ARFGAP1: variants seen among roughly 807,000 people sequenced by gnomAD.
ARFGAP1 encodes the protein ADP-ribosylation factor GTPase-activating protein 1.
In ARFGAP1, 26 loss-of-function variants were observed where a neutral mutation model predicts 54.0. The ratio of observed to expected loss-of-function variants is 0.48; its 90% CI spans 0.35 to 0.67. The LOEUF (loss-of-function observed/expected upper bound fraction) is 0.67. Among genes scored for constraint, ARFGAP1 ranks in the 30% least tolerant of loss-of-function variants. The pLI is 0.00. For missense variants in ARFGAP1, 525 were observed against 535.8 expected (o/e 0.98, Z 0.20); for synonymous variants, 248 against 211.9 (o/e 1.17, Z -1.48).
At chr20:63,286,000 C>T (rs1568743821) in intron 11 of ARFGAP1, 1 of 1,532,114 alleles carries the variant, frequency 6.5e-7, no homozygotes, top group Non-Finnish European at 8.8e-7. Context: ...GTCTTTGCTG[C>T]CATCAGTCCC....
Position 63,277,268 on chromosome 20 carries a change from C to G in ARFGAP1, c.406C>G (p.Pro136Ala). 9 of 1,613,110 alleles carry G rather than the reference C, an allele frequency of 5.6e-6. No individual in the cohort carries two copies. The highest frequency in any genetic ancestry group is 7.6e-6 in the Non-Finnish European group (9 of 1,179,930). The change falls in exon 5 of 13, where the codon CCA (proline) becomes GCA (alanine). Residue 136 changes from proline (P) to alanine (A), a missense_variant. Physicochemically the swap from Pro to Ala is conservative, Grantham distance 27. Transcript: ENST00000370283. ...GTCATCACCTGCCCAGAACTGGACC[C>G]CACCTCAGCCCAGGACGCTGCCGTC... Reference protein sequence around the residue: ...LESSPAQNWTPPQPRTLPSMV... With the variant: ...LESSPAQNWTAPQPRTLPSMV...
intron 6 of ARFGAP1, 62 bp downstream of exon 6, chr20:63,278,265 G>T (rs774106602): frequency 1.2e-5 from 19 of 1,566,272 alleles, no homozygotes; most frequent in Admixed American, 1.7e-5. Context: ...CAGTCTGGTG[G>T]GTAGGGCTGC....
intron 9 of ARFGAP1, chr20:63,283,926 G>A (rs2067453990): frequency 6.2e-7 from 1 of 1,610,302 alleles, no homozygotes; most frequent in South Asian, 1.1e-5. Flanking sequence ...TCTCCGCCGA[G>A]AATGTGCTTG....
intron 5 of ARFGAP1, among the ~76,000 whole-genome samples, chr20:63,277,794 G>T (rs567810655): frequency 6.6e-6 from 1 of 152,250 alleles, no homozygotes; most frequent in Non-Finnish European, 1.5e-5. Context: ...TCTGACGGAA[G>T]GCTTTGCACT....
chr20:63,281,039 A>G (rs940115229), intron 7 of ARFGAP1, among the ~76,000 whole-genome samples: 15 of 152,078 alleles, frequency 9.9e-5, no homozygotes, highest in Non-Finnish European at 1.8e-4. Context: ...GGTGGGAGCC[A>G]CGGGAGGCTG....
At position 63,284,936 on chromosome 20, in the gene ARFGAP1, C is replaced by A. The variant is rs372448777; in HGVS notation, c.774+14C>A. 15 of 1,613,064 alleles carry A rather than the reference C, an allele frequency of 9.3e-6. No individual in the cohort carries two copies. The highest frequency in any genetic ancestry group is 1.3e-5 in the Non-Finnish European group (15 of 1,179,792). On this transcript the variant is annotated intron_variant, in intron 10 of 12. Coordinates refer to ENST00000370283, the MANE Select transcript of ARFGAP1 (RefSeq NM_018209.4). ...GCGCAGGAGAAGGTAACGGGCAGCT[C>A]CGGGTGGTTGTGCCTGGAGCCCTTC...
At chr20:63,274,872 C>T (rs1481356041) in intron 1 of ARFGAP1, among the ~76,000 whole-genome samples, 1 of 152,224 alleles carries the variant, frequency 6.6e-6, no homozygotes, top group Non-Finnish European at 1.5e-5. Flanking sequence ...CATAGGTTTT[C>T]TCTTCACCCT....
At chr20:63,287,334 C>T (rs1284286429) in intron 12 of ARFGAP1, among the ~76,000 whole-genome samples, 1 of 152,238 alleles carries the variant, frequency 6.6e-6, no homozygotes, top group Non-Finnish European at 1.5e-5. Flanking sequence ...TAAAACTGTC[C>T]TCCAGTTGGG....
At chr20:63,274,767 T>G (rs1270869036) in intron 1 of ARFGAP1, among the ~76,000 whole-genome samples, 1 of 152,182 alleles carries the variant, frequency 6.6e-6, no homozygotes, top group East Asian at 1.9e-4. Flanking sequence ...CCTCCGGCTT[T>G]GAATCTTAAC....
At position 63,288,591 on chromosome 20, in the gene ARFGAP1, A is replaced by C. The variant is rs1405641833; in HGVS notation, c.*718A>C. The C allele has an allele frequency of 1.1e-4, 50 of 444,568 alleles. No individual in the cohort carries two copies. The highest frequency in any genetic ancestry group is 1.4e-5 in the Non-Finnish European group (3 of 218,490). The allele number at this position is 444,568 out of a possible 1,614,324, so 27.5% of individuals were successfully genotyped here. A position where few individuals can be genotyped will look rare whatever the true frequency, so the allele number is the denominator to read the frequency against. On this transcript the variant is annotated 3_prime_UTR_variant, in exon 13 of 13. Coordinates refer to ENST00000370283, the MANE Select transcript of ARFGAP1 (RefSeq NM_018209.4). Reference sequence around the variant, plus strand: ...ACTTGACCATCCTGGAACACCCTGGAAGAAAAAGGAGCGCAGGGTGGGCCC... The same window carrying C: ...ACTTGACCATCCTGGAACACCCTGGCAGAAAAAGGAGCGCAGGGTGGGCCC...
rs1354310118 is a variant in ARFGAP1, at chr20:63,288,199, G to A, written c.*326G>A. The A allele has an allele frequency of 1.9e-5, 11 of 566,588 alleles. No homozygotes were observed. Among genetic ancestry groups the A allele is most frequent in the South Asian group, 5.1e-5 (3 of 58,520 alleles). The allele number at this position is 566,588 out of a possible 1,614,324, so 35.1% of individuals were successfully genotyped here. ...CAGAGGCCTGTGACTGCGTTCCAGCGGCCAGTTCACTACGCAGTATCTCTG... is the reference window on the plus strand; with the variant it reads ...CAGAGGCCTGTGACTGCGTTCCAGCAGCCAGTTCACTACGCAGTATCTCTG... On this transcript the variant is annotated 3_prime_UTR_variant, in exon 13 of 13. Coordinates refer to ENST00000370283, the MANE Select transcript of ARFGAP1 (RefSeq NM_018209.4).
At chr20:63,275,848 G>A (rs1289128930) in intron 2 of ARFGAP1, among the ~76,000 whole-genome samples, 1 of 152,246 alleles carries the variant, frequency 6.6e-6, no homozygotes, top group Admixed American at 6.5e-5. Context: ...AGTGCTGGCT[G>A]TCGGGGGTGG....
chr20:63,284,803 C>A, intron 9 of ARFGAP1, 63 bp from the exon 10 acceptor site: 1 of 1,600,156 alleles, frequency 6.2e-7, no homozygotes, highest in South Asian at 1.1e-5. Flanking sequence ...CCTGTGCTGC[C>A]ACTGCCGACC....
chr20:63,287,914 C>T lies in ARFGAP1; in HGVS notation c.*41C>T, dbSNP rs957990129. On this transcript the variant is annotated 3_prime_UTR_variant, in exon 13 of 13. Transcript: ENST00000370283. ...CGTCCCCAGCGCCCCCGGGCGACTT[C>T]GTGTTTGCACTCTGCCCTCGTCGTT... 17 of 1,462,214 alleles carry T rather than the reference C, an allele frequency of 1.2e-5. No homozygotes were observed. Among genetic ancestry groups the T allele is most frequent in the Admixed American group, 7.3e-5 (3 of 40,820 alleles). 90.6% of individuals were successfully genotyped at this position (1,462,214 alleles called of 1,614,324 possible).
Position 63,276,668 on chromosome 20 carries a change from T to A in ARFGAP1, c.342+17T>A. 1.9e-6 allele frequency: 3 copies of A among 1,590,224 alleles called. No homozygotes were observed. The highest frequency in any genetic ancestry group is 2.6e-6 in the Non-Finnish European group (3 of 1,166,444). Reference sequence around the variant, plus strand: ...AGGGATAAGGTAGAGATGGGCCCGATTCACTCTTGCCCATGGTGTGGGGCT... The same window carrying A: ...AGGGATAAGGTAGAGATGGGCCCGAATCACTCTTGCCCATGGTGTGGGGCT... On this transcript the variant is annotated intron_variant, in intron 4 of 12. Transcript: ENST00000370283. This position sits in a 1 kb window ranked among gnomAD's most constrained non-coding sequence, Gnocchi z 5.2.
chr20:63,281,455 G>T (rs2067379068), intron 8 of ARFGAP1, 108 bp downstream of exon 8: 2 of 1,348,894 alleles, frequency 1.5e-6, no homozygotes, highest in South Asian at 2.5e-5. Context: ...GACACAGAGG[G>T]TTTCTGGGTG....
At chr20:63,281,201 C>G (rs41283000) in intron 7 of ARFGAP1, 90 bp from the exon 8 acceptor site, 1 of 1,410,828 alleles carries the variant, frequency 7.1e-7, no homozygotes, top group Non-Finnish European at 9.7e-7. Context: ...CAGCCTCTGC[C>G]TTGGTCCTCT....
intron 9 of ARFGAP1, chr20:63,284,473 G>A: frequency 9.0e-7 from 1 of 1,107,722 alleles, no homozygotes; most frequent in Non-Finnish European, 1.1e-6. Flanking sequence ...CTCCAGGGGG[G>A]ACTCGGTGCC....
intron 8 of ARFGAP1, 148 bp downstream of exon 8, chr20:63,281,495 C>A: frequency 9.9e-7 from 1 of 1,005,320 alleles, no homozygotes; most frequent in Non-Finnish European, 1.5e-6. Flanking sequence ...CAACGCAGTA[C>A]CAGCCAGGGT....
Sources: gnomAD v4.1 joint callset for allele counts (sites outside exome capture counted in the v4.1 genomes callset) on GRCh38, gnomAD v4.1.1 for gene constraint, Gnocchi (gnomAD v3.1) non-coding constraint, MANE v1.5 for transcripts, NCBI Gene and HGNC (gene_info 2026-07-23, HGNC 2026-07-21) for gene names.